Variants in FAT3 observed in about 807,000 individuals in gnomAD.
FAT3 encodes the protein FAT atypical cadherin 3, also known as protocadherin Fat 3.
A neutral mutation model predicts 310.2 loss-of-function variants in FAT3; 95 were observed. The observed-to-expected ratio is 0.31, with a 90% CI of 0.26 to 0.36. The LOEUF is 0.36. Among genes scored for constraint, FAT3 ranks in the 10% least tolerant of loss-of-function variants. The pLI is 1.00. For missense variants in FAT3, 5,408 were observed against 5,715.6 expected, an observed-to-expected ratio of 0.95 and a Z score of 1.74; for synonymous variants, 2,314 against 2,192.9, an observed-to-expected ratio of 1.06 and a Z score of -1.54.
intron 3 of FAT3, among the ~76,000 whole-genome samples, chr11:92,629,426 T>G (rs972997527): frequency 2.0e-5 from 3 of 151,022 alleles, no homozygotes; most frequent in Non-Finnish European, 3.0e-5. Flanking sequence ...TTTTTTTTTT[T>G]TTTTCTTTTT....
chr11:92,435,849 G>T (rs1950925869), intron 2 of FAT3, among the ~76,000 whole-genome samples: 1 of 152,052 alleles, frequency 6.6e-6, no homozygotes, highest in Admixed American at 6.6e-5. Context: ...TTTCAGGTGT[G>T]AGCCACTGTG....
At chr11:92,238,799 A>AG (rs1864545129) in intron 1 of FAT3, among the ~76,000 whole-genome samples, 1 of 152,114 alleles carries the variant, frequency 6.6e-6, no homozygotes, top group African/African-American at 2.4e-5. Context: ...GGGAAACTTG[A>AG]GAAAAAAAGA....
chr11:92,482,021 ATT>A (rs929448039), intron 2 of FAT3, among the ~76,000 whole-genome samples: 2 of 152,168 alleles, frequency 1.3e-5, no homozygotes, highest in Non-Finnish European at 2.9e-5. Flanking sequence ...AAAAAATAAC[ATT>A]TAACTTGCTT....
chr11:92,608,957 A>G (rs570557979), intron 3 of FAT3, among the ~76,000 whole-genome samples: 1 of 152,282 alleles, frequency 6.6e-6, no homozygotes, highest in East Asian at 1.9e-4. Flanking sequence ...AGCAAGAAAG[A>G]GAGAACCTTT....
intron 1 of FAT3, among the ~76,000 whole-genome samples, chr11:92,244,548 A>T (rs978816772): frequency 1.4e-4 from 21 of 152,128 alleles, no homozygotes; most frequent in African/African-American, 4.6e-4. Context: ...TAGAGCTTTA[A>T]TCAGGAGTCA....
chr11:92,494,734 C>T (rs1221943468), intron 2 of FAT3, among the ~76,000 whole-genome samples: 1 of 151,994 alleles, frequency 6.6e-6, no homozygotes, highest in Non-Finnish European at 1.5e-5. Flanking sequence ...CCCTCCTTGC[C>T]AGTATCCTAA....
rs1167461500 is a variant in FAT3 at position 92,893,527 on chromosome 11, C to G, written c.*2414C>G. ...TGAGATTAATGCTGATGAGTCCCTA[C>G]TGCTTACACAGCATCTCTTTGAGGG... On this transcript the variant is annotated 3_prime_UTR_variant, in exon 28 of 28. Transcript: ENST00000525166. 1.3e-5 allele frequency: 2 copies of G among 152,218 alleles called. No individual in the cohort carries two copies. The highest frequency in any genetic ancestry group is 2.9e-5 in the Non-Finnish European group (2 of 68,042). 9.4% of individuals were successfully genotyped at this position (152,218 alleles called of 1,614,324 possible).
chr11:92,645,047 G>T (rs1333101747), intron 3 of FAT3, among the ~76,000 whole-genome samples: 3 of 150,170 alleles, frequency 2.0e-5, no homozygotes, highest in African/African-American at 7.4e-5. Flanking sequence ...GTGTTTTTTT[G>T]ATAATCTTCC....
intron 9 of FAT3, among the ~76,000 whole-genome samples, chr11:92,795,593 G>A (rs10430818): frequency 0.85 from 128,817 of 151,882 alleles, 54,768 homozygotes; most frequent in East Asian, 0.94. Context: ...GCAGATCAGC[G>A]GCCATGGGAT....
intron 3 of FAT3, among the ~76,000 whole-genome samples, chr11:92,670,903 C>A (rs1943107667): frequency 6.6e-6 from 1 of 152,094 alleles, no homozygotes; most frequent in Non-Finnish European, 1.5e-5. Flanking sequence ...CATGTCACTC[C>A]TTTCCTCAAA....
chr11:92,711,452 G>T (rs1258001939), intron 4 of FAT3, among the ~76,000 whole-genome samples: 2 of 152,160 alleles, frequency 1.3e-5, no homozygotes, highest in Non-Finnish European at 2.9e-5. Flanking sequence ...TACTTCTGTA[G>T]TGTTGGTTTG....
intron 2 of FAT3, among the ~76,000 whole-genome samples, chr11:92,405,284 AG>A (rs1342156607): frequency 6.6e-6 from 1 of 152,154 alleles, no homozygotes; most frequent in East Asian, 1.9e-4. Flanking sequence ...AGAGGATCAC[AG>A]GCATCATGGA....
intron 4 of FAT3, among the ~76,000 whole-genome samples, chr11:92,746,729 A>G (rs891166619): frequency 2.6e-5 from 4 of 152,226 alleles, no homozygotes; most frequent in Non-Finnish European, 5.9e-5. Flanking sequence ...GGGTACAGGT[A>G]TTAGGTAAAT....
At chr11:92,495,980 T>C (rs1398474648) in intron 2 of FAT3, among the ~76,000 whole-genome samples, 3 of 152,096 alleles carry the variant, frequency 2.0e-5, no homozygotes, top group African/African-American at 7.2e-5. Flanking sequence ...GCAAAATCTT[T>C]ACTAGACATG....
At chr11:92,359,054 A>G (rs1490721110) in intron 2 of FAT3, among the ~76,000 whole-genome samples, 5 of 152,118 alleles carry the variant, frequency 3.3e-5, no homozygotes, top group African/African-American at 1.2e-4. Flanking sequence ...TTGTTAACAA[A>G]TGCAGATTCC....
intron 3 of FAT3, among the ~76,000 whole-genome samples, chr11:92,591,563 C>G (rs1939427995): frequency 6.6e-6 from 1 of 152,158 alleles, no homozygotes; most frequent in Admixed American, 6.5e-5. Context: ...TCTTAATCTC[C>G]TTATTTTACC....
intron 1 of FAT3, among the ~76,000 whole-genome samples, chr11:92,295,808 T>C (rs912001128): frequency 6.6e-6 from 1 of 152,114 alleles, no homozygotes; most frequent in Admixed American, 6.6e-5. Flanking sequence ...ACAATGTTCA[T>C]TCTTGGATGC....
chr11:92,589,449 T>A (rs919291423), intron 3 of FAT3, among the ~76,000 whole-genome samples: 4 of 152,094 alleles, frequency 2.6e-5, no homozygotes, highest in African/African-American at 9.7e-5. Flanking sequence ...TCCATATATA[T>A]GTGTTGAATG....
chr11:92,322,322 A>C (rs1947643172), intron 1 of FAT3, among the ~76,000 whole-genome samples: 1 of 152,210 alleles, frequency 6.6e-6, no homozygotes, highest in South Asian at 2.1e-4. Flanking sequence ...TGCTAAAAAA[A>C]AATGCTAAGG....
Sources: allele counts gnomAD v4.1 joint callset (sites outside exome capture counted in the v4.1 genomes callset), GRCh38; gene constraint gnomAD v4.1.1; transcripts MANE v1.5; gene names NCBI Gene and HGNC (gene_info 2026-07-23, HGNC 2026-07-21).